Variants in C12orf42 observed in about 807,000 individuals in gnomAD.
The protein encoded by C12orf42 is uncharacterized protein C12orf42.
A neutral mutation model predicts 21.6 loss-of-function variants in C12orf42; 25 were observed. The observed-to-expected ratio is 1.16, with a 90% CI of 0.84 to 1.62. The LOEUF (loss-of-function observed/expected upper bound fraction) is 1.62, where lower values mean the gene tolerates loss of function less well. Ranked by LOEUF, C12orf42 falls within the 40% of genes most tolerant of loss-of-function variation. The probability of loss-of-function intolerance (pLI) is 0.00; values close to 1 mark genes in which losing one functional copy is unlikely to be tolerated. For missense variants in C12orf42, 483 were observed against 459.3 expected (o/e 1.05, Z -0.47); for synonymous variants, 174 against 175.0 (o/e 0.99, Z 0.05).
the C12orf42 span, among the ~76,000 whole-genome samples, chr12:103,187,413 A>G: frequency 1.3e-5 from 2 of 152,210 alleles, no homozygotes; most frequent in African/African-American, 2.4e-5. Flanking sequence ...GTCTGGCCCT[A>G]GAAGCCAACT....
chr12:103,185,790 T>C, the C12orf42 span, among the ~76,000 whole-genome samples: 3 of 152,168 alleles, frequency 2.0e-5, no homozygotes, highest in African/African-American at 4.8e-5. Flanking sequence ...GCTGCCCCCA[T>C]GTAAGAAGTG....
At chr12:103,066,047 C>T in the C12orf42 span, among the ~76,000 whole-genome samples, 13 of 152,242 alleles carry the variant, frequency 8.5e-5, no homozygotes, top group Non-Finnish European at 1.6e-4. Context: ...TTTGGCAGGC[C>T]CCCCTAGGTG....
At chr12:103,497,908 G>A (rs61939889), upstream of C12orf42, among the ~76,000 whole-genome samples, 2,720 of 152,060 alleles carry the variant, frequency 0.018, 54 homozygotes, top group Non-Finnish European at 0.026. Flanking sequence ...GGTGGCACGC[G>A]CCCATAGTCC....
At chr12:103,337,855 C>T (rs924540861) in intron 4 of C12orf42, among the ~76,000 whole-genome samples, 15 of 152,206 alleles carry the variant, frequency 9.9e-5, no homozygotes, top group African/African-American at 3.6e-4. Flanking sequence ...TCTGTCTCCA[C>T]TTACCCACTT....
intron 2 of C12orf42, among the ~76,000 whole-genome samples, chr12:103,429,174 A>T (rs1353383205): frequency 6.6e-6 from 1 of 152,242 alleles, no homozygotes; most frequent in African/African-American, 2.4e-5. Flanking sequence ...AGAGGAAGTC[A>T]AATTGTCTCT....
the C12orf42 span, among the ~76,000 whole-genome samples, chr12:103,065,912 G>C: frequency 1.3e-5 from 2 of 152,134 alleles, no homozygotes; most frequent in Non-Finnish European, 2.9e-5. Context: ...TCCAGAACAG[G>C]AGAAGGCTCT....
downstream of C12orf42, among the ~76,000 whole-genome samples, chr12:103,264,749 G>T (rs546063115): frequency 6.6e-6 from 1 of 152,190 alleles, no homozygotes; most frequent in South Asian, 2.1e-4. Flanking sequence ...AAATAATTAT[G>T]TTTATTTATA....
At chr12:103,280,749 A>G (rs961282963) in intron 4 of C12orf42, among the ~76,000 whole-genome samples, 3 of 152,382 alleles carry the variant, frequency 2.0e-5, no homozygotes, top group African/African-American at 7.2e-5. Context: ...GCACGGTGCT[A>G]AGAACTTTAC....
At chr12:103,444,573 T>C (rs1220416845) in intron 2 of C12orf42, among the ~76,000 whole-genome samples, 1 of 152,098 alleles carries the variant, frequency 6.6e-6, no homozygotes, top group East Asian at 1.9e-4. Flanking sequence ...TGTGTAAGTA[T>C]GTACCTGCAA....
chr12:103,068,963 A>G, the C12orf42 span, among the ~76,000 whole-genome samples: 45 of 92,190 alleles, frequency 4.9e-4, no homozygotes, highest in African/African-American at 2.1e-3. Flanking sequence ...ATATATATAT[A>G]TATATATATA....
chr12:103,499,624 C>T (rs1443194425), upstream of C12orf42, among the ~76,000 whole-genome samples: 2 of 152,178 alleles, frequency 1.3e-5, no homozygotes, highest in Non-Finnish European at 2.9e-5. Flanking sequence ...TAGTTTTCAA[C>T]AGCAGCACAC....
rs534240931 is a variant in C12orf42, at chr12:103,239,357, CCTT to C, written c.*1367-1458_*1367-1456del. Among the ~76,000 whole-genome samples, 180 of 152,226 alleles carry C rather than the reference CCTT, an allele frequency of 1.2e-3. 1 individual carries two copies. The highest frequency in any genetic ancestry group is 4.0e-3 in the African/African-American group (168 of 41,546). On this transcript the variant is annotated intron_variant and NMD_transcript_variant, in intron 10 of 10. Coordinates refer to the C12orf42 transcript ENST00000547347. Reference sequence around the variant, plus strand: ...CCTTGGCATCAACTATAATCGGACTCCTTCTTATTTTTCTCCCATGTCTCACCT... The same window carrying C: ...CCTTGGCATCAACTATAATCGGACTCCTTATTTTTCTCCCATGTCTCACCT...
intron 2 of C12orf42, among the ~76,000 whole-genome samples, chr12:103,420,973 T>C (rs1313086812): frequency 6.6e-6 from 1 of 152,216 alleles, no homozygotes; most frequent in East Asian, 1.9e-4. Flanking sequence ...AACCTATTCT[T>C]ACACATTTTT....
At chr12:103,416,603 C>G (rs1593909932) in intron 2 of C12orf42, among the ~76,000 whole-genome samples, 1 of 148,804 alleles carries the variant, frequency 6.7e-6, no homozygotes, top group East Asian at 2.0e-4. Context: ...ATACATGCTA[C>G]ATTTATTACT....
intron 2 of C12orf42, among the ~76,000 whole-genome samples, chr12:103,462,636 C>T (rs1952814962): frequency 6.6e-6 from 1 of 152,024 alleles, no homozygotes; most frequent in Admixed American, 6.6e-5. Flanking sequence ...AGCATAACTG[C>T]ATTGGAGAAA....
At chr12:103,081,806 T>C in the C12orf42 span, among the ~76,000 whole-genome samples, 1 of 152,194 alleles carries the variant, frequency 6.6e-6, no homozygotes, top group Non-Finnish European at 1.5e-5. Context: ...ATTACTAAAT[T>C]AATTTGATAA....
chr12:103,097,727 A>AAGAC, the C12orf42 span, among the ~76,000 whole-genome samples: 11 of 152,352 alleles, frequency 7.2e-5, no homozygotes, highest in African/African-American at 2.6e-4. Context: ...AGATAGAGGA[A>AAGAC]AGACAGGTAA....
chr12:103,088,504 A>G, the C12orf42 span, among the ~76,000 whole-genome samples: 1 of 152,194 alleles, frequency 6.6e-6, no homozygotes, highest in African/African-American at 2.4e-5. Context: ...AGTTGAAGTC[A>G]CCTCTTTCCT....
chr12:103,184,556 G>A, the C12orf42 span, among the ~76,000 whole-genome samples: 5 of 152,110 alleles, frequency 3.3e-5, no homozygotes, highest in Non-Finnish European at 5.9e-5. Flanking sequence ...ATAGATGAGG[G>A]TGGGGAATGG....
Sources: allele counts gnomAD v4.1 joint callset (sites outside exome capture counted in the v4.1 genomes callset), GRCh38; gene constraint gnomAD v4.1.1; transcripts MANE v1.5; gene names NCBI Gene and HGNC (gene_info 2026-07-23, HGNC 2026-07-21).